NUDT5: variants seen among roughly 807,000 people sequenced by gnomAD.
NUDT5 encodes the protein ADP-sugar pyrophosphatase.
NUDT5 carries 21 observed loss-of-function variants against 34.1 expected under a neutral mutation model. That is an observed-to-expected ratio of 0.62 (90% CI 0.44 to 0.89). NUDT5 has a LOEUF of 0.89. Ranked by LOEUF, NUDT5 falls within the 40% of genes least tolerant of loss-of-function variation. The pLI is 0.00. For missense variants in NUDT5, 249 were observed against 274.8 expected (o/e 0.91, Z 0.66); for synonymous variants, 85 against 97.6 (o/e 0.87, Z 0.76).
At chr10:12,191,342 C>T (rs12243638) in intron 1 of NUDT5, among the ~76,000 whole-genome samples, 3,766 of 152,062 alleles carry the variant, frequency 0.025, 167 homozygotes, top group African/African-American at 0.086. Context: ...AAGATTGCGC[C>T]ACTGCACTCC....
chr10:12,194,890 C>G (rs1835304416), intron 1 of NUDT5, among the ~76,000 whole-genome samples: 1 of 24,444 alleles, frequency 4.1e-5, no homozygotes. Flanking sequence ...GGCCCGGGGC[C>G]GTGGCTCACG....
In NUDT5 at chr10:12,167,804, T is replaced by C. The variant is rs1356761920; in HGVS notation, c.558A>G (p.Val186=). 2 of 1,613,968 alleles carry C rather than the reference T, an allele frequency of 1.2e-6. No homozygotes were observed. The highest frequency in any genetic ancestry group is 2.2e-5 in the East Asian group (1 of 44,878). The part of the protein sequence containing the change: ...NDLLQRLDAL[V]AEEHLTVDAR... The stretch of plus-strand genomic sequence containing the variant: ...CGTCCACTGTGAGATGTTCTTCAGC[T>C]ACCAGAGCTGTGGAAAGCAAAGAAA... Residue 186 remains valine, a synonymous_variant, in exon 10 of 10, where the codon GTA becomes GTG. Coordinates refer to ENST00000491614, the MANE Select transcript of NUDT5 (RefSeq NM_014142.4).
intron 3 of NUDT5, chr10:12,184,599 C>A: frequency 7.2e-7 from 1 of 1,389,616 alleles, no homozygotes. Context: ...TATTCTGTCA[C>A]CTTATCAGCT....
intron 1 of NUDT5, among the ~76,000 whole-genome samples, chr10:12,189,650 C>G (rs1359520480): frequency 6.6e-6 from 1 of 152,178 alleles, no homozygotes; most frequent in Non-Finnish European, 1.5e-5. Context: ...GGGGGCCAGT[C>G]ACTGCCAGCA....
chr10:12,172,427 T>C (rs1297991553), intron 7 of NUDT5: 1 of 290,182 alleles, frequency 3.4e-6, no homozygotes, highest in Non-Finnish European at 6.7e-6. Context: ...ATTCTTAAAA[T>C]ATACATGAAG....
At chr10:12,178,692 C>G (rs552586038) in intron 4 of NUDT5, among the ~76,000 whole-genome samples, 5 of 152,310 alleles carry the variant, frequency 3.3e-5, no homozygotes, top group Admixed American at 3.3e-4. Flanking sequence ...TCCTCATCAA[C>G]CTGTAAAGCA....
Position 12,169,228 on chromosome 10 carries a change from C to G in NUDT5, c.551-1417G>C. 1 of 1,476,054 alleles carries G rather than the reference C, an allele frequency of 6.8e-7. No individual in the cohort carries two copies. The highest frequency in any genetic ancestry group is 9.3e-7 in the Non-Finnish European group (1 of 1,080,060). 91.4% of individuals were successfully genotyped at this position (1,476,054 alleles called of 1,614,324 possible). On this transcript the variant is annotated intron_variant, in intron 9 of 9. Coordinates refer to ENST00000491614, the MANE Select transcript of NUDT5 (RefSeq NM_014142.4). The surrounding 1 kb of genome is among the most constrained non-coding windows in gnomAD (Gnocchi z 4.8). ...GTAGCCCTCTCTCCACCTCCCCTCA[C>G]TTATTCTATTTTTTTCTCCCTTTTC...
At position 12,168,740 on chromosome 10, in the gene NUDT5, T is replaced by C. The variant is rs980196938; in HGVS notation, c.551-929A>G. On this transcript the variant is annotated intron_variant, in intron 9 of 9. Coordinates refer to ENST00000491614, the MANE Select transcript of NUDT5 (RefSeq NM_014142.4). The surrounding 1 kb of genome is among the most constrained non-coding windows in gnomAD (Gnocchi z 4.8). ...TTGGTAACTGGCAGATGCTACTCTTTGTAGCAAACTGATCTTTTTTTAATT... is the reference window on the plus strand; with the variant it reads ...TTGGTAACTGGCAGATGCTACTCTTCGTAGCAAACTGATCTTTTTTTAATT... Among the ~76,000 whole-genome samples the C allele has an allele frequency of 2.0e-5, 3 of 152,282 alleles. No homozygotes were observed. Among genetic ancestry groups the C allele is most frequent in the East Asian group, 1.9e-4 (1 of 5,184 alleles).
In NUDT5 at chr10:12,176,716, G is replaced by A. The variant is rs1402030709; in HGVS notation, c.289+1077C>T. ...ATAATATAGGGCAATAAATTTTGGA[G>A]AGCTTTAATTACTGTGCAAGAAAAA... On this transcript the variant is annotated intron_variant, in intron 5 of 9. Transcript: ENST00000491614. Among the ~76,000 whole-genome samples the A allele has an allele frequency of 5.9e-5, 9 of 152,230 alleles. No homozygotes were observed. In the East Asian group the frequency reaches 1.3e-3, roughly 23 times the overall value.
intron 3 of NUDT5, among the ~76,000 whole-genome samples, chr10:12,184,303 C>T (rs892691052): frequency 1.3e-5 from 2 of 152,132 alleles, no homozygotes; most frequent in Admixed American, 1.3e-4. Context: ...CCGCCCCGGC[C>T]CCCACCCTTG....
At position 12,169,164 on chromosome 10, in the gene NUDT5, G is replaced by T; in HGVS notation, c.551-1353C>A. The T allele has an allele frequency of 1.4e-6, 1 of 702,568 alleles. No individual in the cohort carries two copies. The allele number at this position is 702,568 out of a possible 1,614,324, so 43.5% of individuals were successfully genotyped here. ...TGTATTTTGATTCTGCTAAAGCTAG[G>T]CAACTTGGTTCTTTTACCCCTCCTC... On this transcript the variant is annotated intron_variant, in intron 9 of 9. Coordinates refer to ENST00000491614, the MANE Select transcript of NUDT5 (RefSeq NM_014142.4). The surrounding 1 kb of genome is among the most constrained non-coding windows in gnomAD (Gnocchi z 4.8).
chr10:12,176,309 A>G (rs1048445067), intron 5 of NUDT5, among the ~76,000 whole-genome samples: 1 of 152,194 alleles, frequency 6.6e-6, no homozygotes, highest in East Asian at 1.9e-4. Context: ...AGCCTTTTAA[A>G]ATATAAAACT....
At position 12,169,236 on chromosome 10, in the gene NUDT5, AT is replaced by A. The variant is rs777764218; in HGVS notation, c.551-1426del. ...CTCTCCACCTCCCCTCACTTATTCT[AT>A]TTTTTTCTCCCTTTTCTAAGACCAA... On this transcript the variant is annotated intron_variant, in intron 9 of 9. Coordinates refer to ENST00000491614, the MANE Select transcript of NUDT5 (RefSeq NM_014142.4). The surrounding 1 kb of genome is among the most constrained non-coding windows in gnomAD (Gnocchi z 4.8). 3.3e-6 allele frequency: 5 copies of A among 1,516,534 alleles called. No individual in the cohort carries two copies. Among genetic ancestry groups the A allele is most frequent in the African/African-American group, 2.8e-5 (2 of 72,218 alleles). 93.9% of individuals were successfully genotyped at this position (1,516,534 alleles called of 1,614,324 possible).
chr10:12,171,292 A>C lies in NUDT5; in HGVS notation c.488-384T>G, dbSNP rs75523147. ...CAGAACTTTTCATGACACCCAACAG[A>C]AACTCGGGATCCACTCAACACTAAT... On this transcript the variant is annotated intron_variant, in intron 7 of 9. Transcript: ENST00000491614. This position sits in a 1 kb window ranked among gnomAD's most constrained non-coding sequence, Gnocchi z 4.2. 8.7e-3 allele frequency among the ~76,000 whole-genome samples: 1,326 copies of C among 152,314 alleles called. 14 individuals carry two copies. Among genetic ancestry groups the C allele is most frequent in the Middle Eastern group, 0.017 (5 of 294 alleles).
Position 12,170,644 on chromosome 10 carries a change from T to G in NUDT5, c.550+73A>C, listed in dbSNP as rs112670129. ...AAAAAGATAAAGAAATGGAGTTATA[T>G]TTAGTACCCAGTTTGCTGGGATGGG... On this transcript the variant is annotated intron_variant, in intron 9 of 9. Coordinates refer to ENST00000491614, the MANE Select transcript of NUDT5 (RefSeq NM_014142.4). The surrounding 1 kb of genome is among the most constrained non-coding windows in gnomAD (Gnocchi z 4.9). 215 of 1,348,754 alleles carry G rather than the reference T, an allele frequency of 1.6e-4. No individual in the cohort carries two copies. The African/African-American group carries it at 2.6e-3, about 16-fold the overall frequency. The allele number at this position is 1,348,754 out of a possible 1,614,324, so 83.5% of individuals were successfully genotyped here. A position where few individuals can be genotyped will look rare whatever the true frequency, so the allele number is the denominator to read the frequency against.
At chr10:12,172,246 G>C (rs563444466) in intron 7 of NUDT5, among the ~76,000 whole-genome samples, 4 of 151,838 alleles carry the variant, frequency 2.6e-5, no homozygotes, top group Non-Finnish European at 5.9e-5. Context: ...GAGAAATAGT[G>C]AATAATCTGC....
chr10:12,172,810 T>C lies in NUDT5; in HGVS notation c.442A>G (p.Ile148Val). 1 of 1,614,248 alleles carries C rather than the reference T, an allele frequency of 6.2e-7. No individual in the cohort carries two copies. Among genetic ancestry groups the C allele is most frequent in the Non-Finnish European group, 8.5e-7 (1 of 1,180,038 alleles). The change falls in exon 7 of 10, where the codon ATT (isoleucine) becomes GTT (valine). Residue 148 changes from isoleucine (I) to valine (V), a missense_variant. Transcript: ENST00000491614. Reference sequence around the variant, plus strand: ...GCGTTTTCGGCATCATCTCCGTTAATGGTGACTGTCACGATGTGTATAGTA... The same window carrying C: ...GCGTTTTCGGCATCATCTCCGTTAACGGTGACTGTCACGATGTGTATAGTA... ...NCTIHIVTVT[I>V]NGDDAENARP...
chr10:12,189,208 C>A (rs1835180588), intron 1 of NUDT5, among the ~76,000 whole-genome samples: 1 of 152,066 alleles, frequency 6.6e-6, no homozygotes, highest in Non-Finnish European at 1.5e-5. Context: ...CGGATTCAAG[C>A]GATTCTCCTG....
chr10:12,169,776 G>T lies in NUDT5; in HGVS notation c.550+941C>A. On this transcript the variant is annotated intron_variant, in intron 9 of 9. Coordinates refer to ENST00000491614, the MANE Select transcript of NUDT5 (RefSeq NM_014142.4). This position sits in a 1 kb window ranked among gnomAD's most constrained non-coding sequence, Gnocchi z 4.8. ...AACAACAGACAATTCAAAACCAGGC[G>T]CTCTGCTTATTCACTGAAACCGTAA... The T allele has an allele frequency of 4.0e-6, 1 of 249,458 alleles. No individual in the cohort carries two copies. 15.5% of individuals were successfully genotyped at this position (249,458 alleles called of 1,614,324 possible). A position where few individuals can be genotyped will look rare whatever the true frequency, so the allele number is the denominator to read the frequency against.
Sources: gnomAD v4.1 joint callset for allele counts (sites outside exome capture counted in the v4.1 genomes callset) on GRCh38, gnomAD v4.1.1 for gene constraint, Gnocchi (gnomAD v3.1) non-coding constraint, MANE v1.5 for transcripts, NCBI Gene and HGNC (gene_info 2026-07-23, HGNC 2026-07-21) for gene names.